Variants in ABR observed in about 807,000 individuals in gnomAD.
ABR encodes the protein active breakpoint cluster region-related protein.
ABR carries 35 observed loss-of-function variants against 107.2 expected under a neutral mutation model. The ratio of observed to expected loss-of-function variants is 0.33; its 90% CI spans 0.25 to 0.43. ABR has a LOEUF of 0.43. ABR is among the 20% of genes least tolerant of loss of function. The pLI is 1.00. For missense variants in ABR, 815 were observed against 1,115.2 expected (o/e 0.73, Z 3.83); for synonymous variants, 498 against 462.0 (o/e 1.08, Z -1.00).
intron 4 of ABR, among the ~76,000 whole-genome samples, chr17:1,089,119 A>G (rs2036843458): frequency 6.6e-6 from 1 of 151,702 alleles, no homozygotes; most frequent in African/African-American, 2.4e-5. Context: ...GCTGGTCTCG[A>G]ACTCCTGACC....
chr17:1,187,933 G>T (rs530914549), upstream of ABR, among the ~76,000 whole-genome samples: 1 of 151,780 alleles, frequency 6.6e-6, no homozygotes, highest in South Asian at 2.1e-4. Flanking sequence ...TTATCAAATT[G>T]GGCCGGGCAC....
chr17:1,063,513 C>A (rs1457608785), intron 10 of ABR, among the ~76,000 whole-genome samples: 2 of 145,114 alleles, frequency 1.4e-5, no homozygotes, highest in African/African-American at 5.1e-5. Context: ...TTCCTCTAGA[C>A]ACTGTTGTTA....
Position 1,092,761 on chromosome 17 carries a change from C to A in ABR, c.346-911G>T, listed in dbSNP as rs189510942. ...TGCAAAGGCCCTGCAGGACACAGGGCCTGATAACCTGCCATACAGGGAAGG... is the reference window on the plus strand; with the variant it reads ...TGCAAAGGCCCTGCAGGACACAGGGACTGATAACCTGCCATACAGGGAAGG... On this transcript the variant is annotated intron_variant, in intron 3 of 22. Coordinates refer to ENST00000302538, the MANE Select transcript of ABR (RefSeq NM_021962.5). This position sits in a 1 kb window ranked among gnomAD's most constrained non-coding sequence, Gnocchi z 4.6. Among the ~76,000 whole-genome samples, 174 of 150,868 alleles carry A rather than the reference C, an allele frequency of 1.2e-3. No homozygotes were observed. Among genetic ancestry groups the A allele is most frequent in the African/African-American group, 4.0e-3 (164 of 41,190 alleles).
At chr17:1,167,428 C>T (rs946308064) in intron 1 of ABR, among the ~76,000 whole-genome samples, 10 of 152,232 alleles carry the variant, frequency 6.6e-5, no homozygotes, top group African/African-American at 2.4e-4. Flanking sequence ...CAGGGTTCCA[C>T]CTGCTCGGTG....
chr17:1,065,797 G>T (rs978310512), intron 10 of ABR, among the ~76,000 whole-genome samples: 2 of 146,894 alleles, frequency 1.4e-5, no homozygotes, highest in Non-Finnish European at 3.0e-5. Context: ...TCAGGCTGGA[G>T]TGCAGCAGCG....
At chr17:1,129,372 C>CTCTACCAAAAA (rs372685782) in intron 1 of ABR, among the ~76,000 whole-genome samples, 3 of 151,534 alleles carry the variant, frequency 2.0e-5, no homozygotes, top group African/African-American at 7.3e-5. Flanking sequence ...GCCATACTGG[C>CTCTACCAAAAA]TACAAAAAAA....
chr17:1,223,255 T>G (rs980280805), intron 1 of ABR, among the ~76,000 whole-genome samples: 1 of 151,194 alleles, frequency 6.6e-6, no homozygotes. Context: ...GCACCAGTAA[T>G]CTCAGCTACT....
intron 1 of ABR, among the ~76,000 whole-genome samples, chr17:1,201,141 G>A (rs903171168): frequency 4.6e-5 from 7 of 152,228 alleles, no homozygotes; most frequent in African/African-American, 1.7e-4. Context: ...TGCCCCTCAG[G>A]CAGCCGCATC....
chr17:1,049,664 G>A (rs191407381), intron 16 of ABR, among the ~76,000 whole-genome samples: 30 of 152,094 alleles, frequency 2.0e-4, no homozygotes, highest in African/African-American at 5.8e-4. Context: ...GCCTAACTCC[G>A]GTCCCCCGTC....
chr17:1,082,530 G>C (rs2036313797), intron 5 of ABR, among the ~76,000 whole-genome samples: 1 of 151,814 alleles, frequency 6.6e-6, no homozygotes. Context: ...GGCCAGGAAG[G>C]CTGGGCCTCA....
At chr17:1,204,936 C>T (rs144314089) in intron 1 of ABR, among the ~76,000 whole-genome samples, 1 of 121,142 alleles carries the variant, frequency 8.3e-6, no homozygotes, top group Non-Finnish European at 1.6e-5. Flanking sequence ...CTGAGTCTCG[C>T]GCTATCACCC....
chr17:1,028,818 G>A (rs76778047), intron 16 of ABR, among the ~76,000 whole-genome samples: 1,656 of 152,226 alleles, frequency 0.011, 29 homozygotes, highest in African/African-American at 0.038. Flanking sequence ...GGTCAGGAGC[G>A]TCTTGGACTT....
chr17:1,041,283 GC>G (rs1443473539), intron 16 of ABR, among the ~76,000 whole-genome samples: 1 of 152,168 alleles, frequency 6.6e-6, no homozygotes, highest in African/African-American at 2.4e-5. Flanking sequence ...ACAGCCCAGG[GC>G]CTGCCATTCA....
intron 5 of ABR, among the ~76,000 whole-genome samples, chr17:1,082,421 C>A (rs1005115602): frequency 5.3e-5 from 8 of 152,008 alleles, no homozygotes; most frequent in African/African-American, 1.7e-4. Flanking sequence ...AGCAGAAGCA[C>A]GCGTGTTCCC....
At position 1,012,930 on chromosome 17, in the gene ABR, A is replaced by C. The variant is rs1016519572; in HGVS notation, c.1852-133T>G. Reference sequence around the variant, plus strand: ...ACACCCAGGTCTCCCTCAACACAACACCTGCAGGACAGCAGCGGGCAGGGT... The same window carrying C: ...ACACCCAGGTCTCCCTCAACACAACCCCTGCAGGACAGCAGCGGGCAGGGT... On this transcript the variant is annotated intron_variant, in intron 17 of 22. Coordinates refer to ENST00000302538, the MANE Select transcript of ABR (RefSeq NM_021962.5). The C allele has an allele frequency of 1.1e-5, 12 of 1,053,200 alleles. No individual in the cohort carries two copies. In the African/African-American group the frequency reaches 1.9e-4, roughly 17 times the overall value. 65.2% of individuals were successfully genotyped at this position (1,053,200 alleles called of 1,614,324 possible). A position where few individuals can be genotyped will look rare whatever the true frequency, so the allele number is the denominator to read the frequency against.
At chr17:1,192,318 A>G (rs1164311754), upstream of ABR, among the ~76,000 whole-genome samples, 2 of 152,224 alleles carry the variant, frequency 1.3e-5, no homozygotes. Context: ...CCTGAGCCCT[A>G]CTGTATAAAC....
chr17:1,212,641 G>A (rs2042924436), intron 1 of ABR, among the ~76,000 whole-genome samples: 1 of 152,208 alleles, frequency 6.6e-6, no homozygotes, highest in African/African-American at 2.4e-5. Flanking sequence ...TGTAATCCCA[G>A]CACTTTGGGA....
chr17:1,215,026 C>T (rs1015211541), intron 1 of ABR, among the ~76,000 whole-genome samples: 3 of 151,970 alleles, frequency 2.0e-5, no homozygotes, highest in South Asian at 2.1e-4. Context: ...TTAAGACCAC[C>T]CTGGGCAACA....
chr17:1,021,572 G>A (rs573399473), intron 16 of ABR, among the ~76,000 whole-genome samples: 33 of 152,306 alleles, frequency 2.2e-4, no homozygotes, highest in East Asian at 1.2e-3. Context: ...TTGGGAGGCC[G>A]AGGCGGGCGG....
Sources: gnomAD v4.1 joint callset for allele counts (sites outside exome capture counted in the v4.1 genomes callset) on GRCh38, gnomAD v4.1.1 for gene constraint, Gnocchi (gnomAD v3.1) non-coding constraint, MANE v1.5 for transcripts, NCBI Gene and HGNC (gene_info 2026-07-23, HGNC 2026-07-21) for gene names.